IL1RAPL1: variants seen among roughly 807,000 people sequenced by gnomAD.
IL1RAPL1 encodes interleukin 1 receptor accessory protein like 1, also known as interleukin-1 receptor accessory protein-like 1.
Under a neutral mutation model 48.4 loss-of-function variants are expected in IL1RAPL1, and 3 were observed. That is an observed-to-expected ratio of 0.06 (90% CI 0.03 to 0.16). The LOEUF (loss-of-function observed/expected upper bound fraction) is 0.16. Ranked by LOEUF, IL1RAPL1 falls within the 10% of genes least tolerant of loss-of-function variation. The probability of loss-of-function intolerance (pLI) is 1.00; values close to 1 mark genes in which losing one functional copy is unlikely to be tolerated. For missense variants in IL1RAPL1, 349 were observed against 530.6 expected (o/e 0.66, Z 3.36); for synonymous variants, 185 against 187.7 (o/e 0.99, Z 0.12).
At chrX:28,962,874 C>CTGTG (rs1380657906) in intron 2 of IL1RAPL1, among the ~76,000 whole-genome samples, 5 of 93,089 alleles carry the variant, frequency 5.4e-5, no homozygotes, top group African/African-American at 1.8e-4. Flanking sequence ...GATTGTGTGT[C>CTGTG]TGTGTGTATG....
chrX:29,875,362 G>T (rs1931881021), intron 6 of IL1RAPL1, among the ~76,000 whole-genome samples: 1 of 111,932 alleles, frequency 8.9e-6, no homozygotes, highest in South Asian at 3.7e-4. Context: ...CATTGGATAT[G>T]GTTGAGTATT....
At chrX:29,589,832 T>A (rs1439784106) in intron 5 of IL1RAPL1, among the ~76,000 whole-genome samples, 1 of 111,229 alleles carries the variant, frequency 9.0e-6, no homozygotes, top group Non-Finnish European at 1.9e-5. Context: ...GAAAAGAGGT[T>A]TAATTGGCTC....
At chrX:28,641,855 C>T (rs896402367) in intron 1 of IL1RAPL1, among the ~76,000 whole-genome samples, 3 of 110,588 alleles carry the variant, frequency 2.7e-5, no homozygotes, top group African/African-American at 9.9e-5. Context: ...GCTTATTGGC[C>T]GCGTAAATGT....
intron 5 of IL1RAPL1, among the ~76,000 whole-genome samples, chrX:29,422,533 T>C (rs1054714265): frequency 1.8e-5 from 2 of 112,118 alleles, no homozygotes; most frequent in African/African-American, 6.5e-5. Flanking sequence ...AAATGGTATA[T>C]CTCTTCATAG....
At chrX:29,029,690 CT>C (rs2080916659) in intron 2 of IL1RAPL1, among the ~76,000 whole-genome samples, 1 of 111,824 alleles carries the variant, frequency 8.9e-6, no homozygotes, top group Non-Finnish European at 1.9e-5. Context: ...CCATTTTTCA[CT>C]GGTCTTTTCA....
intron 8 of IL1RAPL1, among the ~76,000 whole-genome samples, chrX:29,920,814 AAAAAG>A (rs776238482): frequency 1.9e-3 from 177 of 93,844 alleles, no homozygotes; most frequent in African/African-American, 6.2e-3. Flanking sequence ...AAAAAAAAAA[AAAAAG>A]AAAAGAAAAG....
At chrX:29,713,593 C>T (rs1299168516) in intron 6 of IL1RAPL1, among the ~76,000 whole-genome samples, 1 of 111,196 alleles carries the variant, frequency 9.0e-6, no homozygotes, top group African/African-American at 3.3e-5. Context: ...TCAGTGTTGG[C>T]GGGGTGGAGT....
chrX:29,663,175 A>G (rs757028035), intron 5 of IL1RAPL1, among the ~76,000 whole-genome samples: 6 of 112,350 alleles, frequency 5.3e-5, no homozygotes, highest in Non-Finnish European at 1.1e-4. Flanking sequence ...TTGAAGCATT[A>G]TGGGTGATCC....
At chrX:29,158,018 G>A (rs1431251831) in intron 2 of IL1RAPL1, among the ~76,000 whole-genome samples, 1 of 111,211 alleles carries the variant, frequency 9.0e-6, no homozygotes, top group East Asian at 2.8e-4. Flanking sequence ...GAGAATAAAG[G>A]ACTGAAATTA....
intron 2 of IL1RAPL1, among the ~76,000 whole-genome samples, chrX:28,849,953 G>A (rs938963591): frequency 2.7e-5 from 3 of 111,754 alleles, no homozygotes; most frequent in Non-Finnish European, 5.6e-5. Flanking sequence ...TAAAACTACC[G>A]TGTGCTTATG....
At chrX:29,414,720 A>T (rs898036850) in intron 5 of IL1RAPL1, among the ~76,000 whole-genome samples, 3 of 111,682 alleles carry the variant, frequency 2.7e-5, no homozygotes, top group African/African-American at 9.8e-5. Context: ...TTTTTTAAAG[A>T]TCATCTTTTC....
At chrX:28,996,445 C>T (rs754047280) in intron 2 of IL1RAPL1, among the ~76,000 whole-genome samples, 1 of 111,254 alleles carries the variant, frequency 9.0e-6, no homozygotes, top group Non-Finnish European at 1.9e-5. Flanking sequence ...TTTGTATGGG[C>T]ACTTCTTTTG....
chrX:29,291,670 G>A (rs1932373706), intron 3 of IL1RAPL1, among the ~76,000 whole-genome samples: 1 of 111,633 alleles, frequency 9.0e-6, no homozygotes, highest in Non-Finnish European at 1.9e-5. Flanking sequence ...ACTGGAAGTG[G>A]TTCTCTGATA....
At chrX:29,551,100 C>G (rs1277703446) in intron 5 of IL1RAPL1, among the ~76,000 whole-genome samples, 1 of 112,207 alleles carries the variant, frequency 8.9e-6, no homozygotes, top group Non-Finnish European at 1.9e-5. Context: ...TTTTACTTAT[C>G]ATAATGTCTT....
At chrX:29,490,002 G>A (rs1315728478) in intron 5 of IL1RAPL1, among the ~76,000 whole-genome samples, 2 of 110,867 alleles carry the variant, frequency 1.8e-5, no homozygotes, top group Non-Finnish European at 3.8e-5. Context: ...TTTCTACATA[G>A]GACTTATTAA....
At chrX:28,915,234 C>G (rs1923459861) in intron 2 of IL1RAPL1, among the ~76,000 whole-genome samples, 1 of 111,710 alleles carries the variant, frequency 9.0e-6, no homozygotes, top group African/African-American at 3.3e-5. Context: ...CACTCACCTC[C>G]TGCTCTGCAG....
intron 2 of IL1RAPL1, among the ~76,000 whole-genome samples, chrX:28,981,090 C>CAAAAAAAAAAAAAAAAAAAAAAA (rs57824632): frequency 4.1e-5 from 1 of 24,323 alleles, no homozygotes; most frequent in African/African-American, 2.1e-4. Flanking sequence ...GACCCTGTCT[C>CAAAAAAAAAAAAAAAAAAAAAAA]AAAAAAAAAA....
intron 5 of IL1RAPL1, among the ~76,000 whole-genome samples, chrX:29,524,207 G>T: frequency 2.1e-5 from 2 of 96,198 alleles, no homozygotes; most frequent in African/African-American, 3.9e-5. Context: ...CATACTTTGA[G>T]TATATGTTCT....
chrX:29,444,359 A>G (rs1934586995), intron 5 of IL1RAPL1, among the ~76,000 whole-genome samples: 1 of 108,145 alleles, frequency 9.2e-6, no homozygotes, highest in East Asian at 2.9e-4. Context: ...AAAAAAAAAG[A>G]AAAGAAAGAA....
Sources: allele counts gnomAD v4.1 joint callset (sites outside exome capture counted in the v4.1 genomes callset), GRCh38; gene constraint gnomAD v4.1.1; transcripts MANE v1.5; gene names NCBI Gene and HGNC (gene_info 2026-07-23, HGNC 2026-07-21).